Variants in MINK1 observed in about 807,000 individuals in gnomAD.
MINK1 encodes misshapen like kinase 1, also known as misshapen-like kinase 1.
In MINK1, 46 loss-of-function variants were observed where a neutral mutation model predicts 178.4. That is an observed-to-expected ratio of 0.26 (90% confidence interval 0.20 to 0.33). MINK1 has a LOEUF of 0.33. Ranked by LOEUF, MINK1 falls within the 10% of genes least tolerant of loss-of-function variation. The probability of loss-of-function intolerance (pLI) is 1.00; values close to 1 mark genes in which losing one functional copy is unlikely to be tolerated. For missense variants in MINK1, 1,366 were observed against 1,814.9 expected (o/e 0.75, Z 4.49); for synonymous variants, 797 against 709.7 (o/e 1.12, Z -1.96).
At chr17:4,857,344 C>T (rs1913321860) in intron 1 of MINK1, 1 of 161,436 alleles carries the variant, frequency 6.2e-6, no homozygotes, top group Non-Finnish European at 1.4e-5. Context: ...ATGGTGAAAA[C>T]CAAAGCATAC....
chr17:4,867,509 T>A (rs1915209878), intron 1 of MINK1, among the ~76,000 whole-genome samples: 1 of 151,808 alleles, frequency 6.6e-6, no homozygotes, highest in Non-Finnish European at 1.5e-5. Flanking sequence ...TTAAAATTTT[T>A]AAAAATTGGG....
At chr17:4,871,345 C>T (rs962043280) in intron 1 of MINK1, among the ~76,000 whole-genome samples, 12 of 151,786 alleles carry the variant, frequency 7.9e-5, no homozygotes, top group African/African-American at 2.9e-4. Context: ...TACATGCCAC[C>T]TTGCCTCACT....
rs546205606 is a variant in MINK1, at chr17:4,895,958, C to T, written c.3365-45C>T. ...ACAGACCACGGGGAGGCGCCCGTGG[C>T]GCAAGAAGGGAAGTCTCAGCATCCC... On this transcript the variant is annotated intron_variant, in intron 27 of 31. Transcript: ENST00000355280. This position sits in a 1 kb window ranked among gnomAD's most constrained non-coding sequence, Gnocchi z 4.3. The T allele has an allele frequency of 3.9e-5, 61 of 1,568,458 alleles. No individual in the cohort carries two copies. Among genetic ancestry groups the T allele is most frequent in the Admixed American group, 1.3e-4 (7 of 52,480 alleles).
At chr17:4,848,894 A>G (rs1321178828) in intron 1 of MINK1, among the ~76,000 whole-genome samples, 2 of 152,232 alleles carry the variant, frequency 1.3e-5, no homozygotes, top group Admixed American at 6.5e-5. Context: ...TAAAGTGCTT[A>G]GTCTGGTAAA....
chr17:4,889,523 C>A, intron 12 of MINK1, 124 bp from the exon 13 acceptor site: 1 of 845,704 alleles, frequency 1.2e-6, no homozygotes, highest in Non-Finnish European at 1.9e-6. Flanking sequence ...CAGAAACAAG[C>A]GGAAGCCGGT....
chr17:4,876,814 G>A (rs1217423768), intron 1 of MINK1, among the ~76,000 whole-genome samples: 1 of 152,080 alleles, frequency 6.6e-6, no homozygotes, highest in Non-Finnish European at 1.5e-5. Context: ...TGAGGCAGGC[G>A]TGGTGGCTCA....
chr17:4,894,682 C>T lies in MINK1; in HGVS notation c.2917+49C>T. 1 of 1,426,714 alleles carries T rather than the reference C, an allele frequency of 7.0e-7. No homozygotes were observed. Among genetic ancestry groups the T allele is most frequent in the Non-Finnish European group, 9.7e-7 (1 of 1,028,574 alleles). 88.4% of individuals were successfully genotyped at this position (1,426,714 alleles called of 1,614,324 possible). A position where few individuals can be genotyped will look rare whatever the true frequency, so the allele number is the denominator to read the frequency against. ...CTGTGAGGCCAGGGTCCAGGGGCAG[C>T]CTGGAGGGGAGCACAGTGGTCTTGA... is the stretch of plus-strand genomic sequence containing the variant. On this transcript the variant is annotated intron_variant, in intron 24 of 31. Transcript: ENST00000355280. This position sits in a 1 kb window ranked among gnomAD's most constrained non-coding sequence, Gnocchi z 4.1.
At chr17:4,850,888 C>G in intron 1 of MINK1, 1 of 357,502 alleles carries the variant, frequency 2.8e-6, no homozygotes, top group South Asian at 2.0e-5. Context: ...TATCTGCCAG[C>G]CTGAACGGGC....
At chr17:4,861,064 C>T (rs8073970) in intron 1 of MINK1, among the ~76,000 whole-genome samples, 94,089 of 151,942 alleles carry the variant, frequency 0.62, 30,878 homozygotes, top group Non-Finnish European at 0.74. Context: ...AAACCCAGCT[C>T]CGCCTTGCTC....
At chr17:4,852,798 G>GA (rs1256523243) in intron 1 of MINK1, among the ~76,000 whole-genome samples, 4 of 9,782 alleles carry the variant, frequency 4.1e-4, no homozygotes, top group Non-Finnish European at 1.0e-3. Flanking sequence ...GGTGGAGTGT[G>GA]TTTGGTGGGG....
At chr17:4,839,044 C>T (rs760536125) in intron 1 of MINK1, among the ~76,000 whole-genome samples, 8 of 151,916 alleles carry the variant, frequency 5.3e-5, no homozygotes, top group South Asian at 2.1e-4. Context: ...CCCAGGTTCA[C>T]GCCATTCTCC....
rs1233972298 is a variant in MINK1, at chr17:4,845,300, G to A, written c.57+11660G>A. ...AAGAGAAGTTAAGGGTTTCTGTTCCGTATTCAGTTCCTTTTGCCACCCCCC... is the reference window on the plus strand; with the variant it reads ...AAGAGAAGTTAAGGGTTTCTGTTCCATATTCAGTTCCTTTTGCCACCCCCC... On this transcript the variant is annotated intron_variant, in intron 1 of 31. Coordinates refer to ENST00000355280, the MANE Select transcript of MINK1 (RefSeq NM_153827.5). Among the ~76,000 whole-genome samples the A allele has an allele frequency of 1.4e-4, 21 of 152,228 alleles. No individual in the cohort carries two copies. The East Asian group carries it at 1.9e-3, about 14-fold the overall frequency.
intron 1 of MINK1, among the ~76,000 whole-genome samples, chr17:4,834,105 C>CT (rs1480238272): frequency 1.3e-5 from 2 of 152,170 alleles, no homozygotes; most frequent in Non-Finnish European, 2.9e-5. Flanking sequence ...TCTCATCCCT[C>CT]TTTCTCTGCC....
chr17:4,847,114 G>A (rs1277325847), intron 1 of MINK1: 2 of 459,858 alleles, frequency 4.3e-6, no homozygotes, highest in East Asian at 6.7e-5. Flanking sequence ...CTAAAGAGCT[G>A]TCAGTGGGAG....
chr17:4,880,924 A>G (rs994864654), intron 2 of MINK1, 60 bp from the exon 3 acceptor site: 2 of 1,419,582 alleles, frequency 1.4e-6, no homozygotes, highest in Non-Finnish European at 1.8e-6. Context: ...TGTCTCCTAG[A>G]GTCAAGCCCT....
chr17:4,858,532 A>C (rs1286787828), intron 1 of MINK1, among the ~76,000 whole-genome samples: 1 of 148,280 alleles, frequency 6.7e-6, no homozygotes, highest in Admixed American at 6.8e-5. Flanking sequence ...GCTGGAGTGC[A>C]GTGGTGCAGT....
At chr17:4,850,522 C>T (rs1292550396) in intron 1 of MINK1, among the ~76,000 whole-genome samples, 1 of 150,104 alleles carries the variant, frequency 6.7e-6, no homozygotes, top group Admixed American at 6.6e-5. Context: ...CCTGCTGGCC[C>T]CCCCCGCCCT....
At position 4,891,474 on chromosome 17, in the gene MINK1, G is replaced by A; in HGVS notation, c.1759G>A (p.Val587Ile). The change falls in exon 16 of 32, where the codon GTC becomes ATC. Residue 587 changes from valine to isoleucine, a missense_variant. Physicochemically the swap from Val to Ile is conservative, Grantham distance 29. This residue lies in a region of MINK1 where 709 missense variants were observed against 692.3 expected (regional missense o/e 1.02). Coordinates refer to ENST00000355280, the MANE Select transcript of MINK1 (RefSeq NM_153827.5). ...CCTGCAGAGCCTGGTGGCACACCGG[G>A]TCCCACTGAAGCCATATGCAGCACC... ...GPHKSLVAHR[V>I]PLKPYAAPVP... 2 of 1,587,202 alleles carry A rather than the reference G, an allele frequency of 1.3e-6. No individual in the cohort carries two copies. The highest frequency in any genetic ancestry group is 1.7e-6 in the Non-Finnish European group (2 of 1,161,992).
At chr17:4,880,295 CT>C (rs1967575498) in intron 2 of MINK1, among the ~76,000 whole-genome samples, 1 of 148,546 alleles carries the variant, frequency 6.7e-6, no homozygotes, top group South Asian at 2.1e-4. Context: ...TGCTTTTTTT[CT>C]TTTCTTTTTT....
Sources: gnomAD v4.1 joint callset for allele counts (sites outside exome capture counted in the v4.1 genomes callset) on GRCh38, gnomAD v4.1.1 for gene constraint, gnomAD v4.1.1 regional missense constraint, Gnocchi (gnomAD v3.1) non-coding constraint, MANE v1.5 for transcripts, NCBI Gene and HGNC (gene_info 2026-07-23, HGNC 2026-07-21) for gene names.